The following TEX36 variants were observed in gnomAD, a reference collection of about 807,000 sequenced individuals.
The protein encoded by TEX36 is testis expressed 36.
TEX36 carries 12 observed loss-of-function variants against 13.6 expected under a neutral mutation model. The observed-to-expected ratio is 0.88, with a 90% CI of 0.56 to 1.43. The LOEUF is 1.43. Among genes scored for constraint, TEX36 ranks in the 40% most tolerant of loss-of-function variants. TEX36 has a pLI of 0.00. For missense variants in TEX36, 224 were observed against 228.3 expected, an observed-to-expected ratio of 0.98 and a Z score of 0.12; for synonymous variants, 93 against 83.0, an observed-to-expected ratio of 1.12 and a Z score of -0.65.
intron 3 of TEX36, among the ~76,000 whole-genome samples, chr10:125,583,736 C>T (rs142486706): frequency 6.6e-6 from 1 of 152,258 alleles, no homozygotes; most frequent in East Asian, 1.9e-4. Flanking sequence ...GAGTCTGGAA[C>T]AAAATAATTA....
intron 1 of TEX36, among the ~76,000 whole-genome samples, chr10:125,666,224 C>CTAG: frequency 6.6e-6 from 1 of 152,244 alleles, no homozygotes; most frequent in Middle Eastern, 3.4e-3. Context: ...GCTAGGACTT[C>CTAG]TAGTACTATG....
chr10:125,608,637 C>T (rs1384656139), intron 3 of TEX36, among the ~76,000 whole-genome samples: 1 of 152,126 alleles, frequency 6.6e-6, no homozygotes, highest in Admixed American at 6.5e-5. Flanking sequence ...CCCTGGAGCA[C>T]CCCTATTTCA....
intron 3 of TEX36, among the ~76,000 whole-genome samples, chr10:125,590,553 C>A (rs755907460): frequency 5.3e-5 from 8 of 151,990 alleles, no homozygotes; most frequent in Non-Finnish European, 1.2e-4. Context: ...GCTCAAAATG[C>A]GGCAGATATT....
intron 3 of TEX36, among the ~76,000 whole-genome samples, chr10:125,607,566 G>T (rs1165181229): frequency 6.6e-6 from 1 of 152,096 alleles, no homozygotes; most frequent in Non-Finnish European, 1.5e-5. Flanking sequence ...AGGTGCCAAA[G>T]AATATTGTTG....
intron 1 of TEX36, among the ~76,000 whole-genome samples, chr10:125,673,691 C>T (rs867322810): frequency 2.5e-5 from 3 of 121,360 alleles, no homozygotes; most frequent in South Asian, 2.6e-4. Context: ...GCCTGGGCGA[C>T]GAGAGAGAGA....
chr10:125,636,372 A>ATTTTTTTTTTTT (rs1173411320), intron 3 of TEX36, among the ~76,000 whole-genome samples: 1 of 142,656 alleles, frequency 7.0e-6, no homozygotes, highest in African/African-American at 2.6e-5. Flanking sequence ...CACCCGGCTA[A>ATTTTTTTTTTTT]TTTTTTTTTT....
At position 125,635,709 on chromosome 10, in the gene TEX36, T is replaced by G. The variant is rs113865473; in HGVS notation, c.265-14064A>C. ...TGTCCTTGGGGCTCTGCCTGCTTTC[T>G]CACAGTTTCTCCTGTTCTCCACTCA... On this transcript the variant is annotated intron_variant, in intron 3 of 3. Transcript: ENST00000526819. Among the ~76,000 whole-genome samples, 10 of 152,238 alleles carry G rather than the reference T, an allele frequency of 6.6e-5. 1 individual carries two copies. The highest frequency in any genetic ancestry group is 2.4e-4 in the African/African-American group (10 of 41,536).
intron 1 of TEX36, among the ~76,000 whole-genome samples, chr10:125,673,036 G>A (rs1239970597): frequency 6.6e-6 from 1 of 152,016 alleles, no homozygotes; most frequent in Non-Finnish European, 1.5e-5. Context: ...ACGTGAGATG[G>A]GTCTCTTGAA....
chr10:125,639,812 AG>A, intron 3 of TEX36, among the ~76,000 whole-genome samples: 1 of 152,358 alleles, frequency 6.6e-6, no homozygotes, highest in South Asian at 2.1e-4. Flanking sequence ...TATTCTTTGG[AG>A]GAACAATAAG....
chr10:125,620,487 C>T (rs1012000115), downstream of TEX36, among the ~76,000 whole-genome samples: 12 of 152,148 alleles, frequency 7.9e-5, no homozygotes, highest in African/African-American at 2.9e-4. Context: ...ATGTGTTGAG[C>T]ATTGATTTGT....
intron 3 of TEX36, among the ~76,000 whole-genome samples, chr10:125,596,637 C>T (rs1846084344): frequency 6.6e-6 from 1 of 152,126 alleles, no homozygotes; most frequent in African/African-American, 2.4e-5. Flanking sequence ...ACATTTGTGG[C>T]AATTTTTTAC....
intron 1 of TEX36, 50 bp downstream of exon 1, chr10:125,682,889 C>A: frequency 6.5e-7 from 1 of 1,546,606 alleles, no homozygotes; most frequent in Non-Finnish European, 8.8e-7. Flanking sequence ...AGACTGTTGA[C>A]CACACCCACG....
downstream of TEX36, among the ~76,000 whole-genome samples, chr10:125,653,459 G>A (rs1846894575): frequency 7.2e-6 from 1 of 139,444 alleles, no homozygotes; most frequent in Non-Finnish European, 1.5e-5. Context: ...GACACAGGGT[G>A]GGGACCATCA....
chr10:125,606,124 A>G (rs907325603), intron 3 of TEX36, among the ~76,000 whole-genome samples: 11 of 152,220 alleles, frequency 7.2e-5, no homozygotes, highest in African/African-American at 2.4e-4. Context: ...GTGTTCTAAA[A>G]AATCAATTCC....
At chr10:125,613,491 T>C (rs1231110600) in intron 3 of TEX36, among the ~76,000 whole-genome samples, 2 of 132,744 alleles carry the variant, frequency 1.5e-5, no homozygotes, top group Non-Finnish European at 3.1e-5. Flanking sequence ...CCATGTGTTC[T>C]CATTGTTCAA....
chr10:125,626,708 G>A (rs1035976290), intron 3 of TEX36, among the ~76,000 whole-genome samples: 29 of 152,260 alleles, frequency 1.9e-4, no homozygotes, highest in African/African-American at 5.5e-4. Flanking sequence ...CTGGGGAGGT[G>A]GGAACTCGGA....
At chr10:125,593,281 C>T (rs923375219) in intron 3 of TEX36, among the ~76,000 whole-genome samples, 16 of 152,148 alleles carry the variant, frequency 1.1e-4, no homozygotes, top group Admixed American at 7.2e-4. Flanking sequence ...GGGGCAAAAA[C>T]CAAATGTATA....
At chr10:125,662,969 C>G (rs1348794081) in intron 1 of TEX36, among the ~76,000 whole-genome samples, 1 of 152,108 alleles carries the variant, frequency 6.6e-6, no homozygotes, top group Non-Finnish European at 1.5e-5. Context: ...GCAGGACTCT[C>G]TAGGAGGAAA....
At chr10:125,586,398 T>TACAA (rs1845949646) in intron 3 of TEX36, among the ~76,000 whole-genome samples, 1 of 152,178 alleles carries the variant, frequency 6.6e-6, no homozygotes, top group South Asian at 2.1e-4. Context: ...ACATTTCTTG[T>TACAA]TAAATTTATA....
Sources: allele counts gnomAD v4.1 joint callset (sites outside exome capture counted in the v4.1 genomes callset), GRCh38; gene constraint gnomAD v4.1.1; transcripts MANE v1.5; gene names NCBI Gene and HGNC (gene_info 2026-07-23, HGNC 2026-07-21).